CCDC122: variants seen among roughly 807,000 people sequenced by gnomAD.
CCDC122 encodes coiled-coil domain containing 122, also known as coiled-coil domain-containing protein 122.
A neutral mutation model predicts 37.0 loss-of-function variants in CCDC122; 38 were observed. The observed-to-expected ratio is 1.03, with a 90% CI of 0.79 to 1.35. The LOEUF is 1.35. CCDC122 is among the 40% of genes most tolerant of loss of function. The pLI, the probability that CCDC122 is intolerant of heterozygous loss-of-function variation, is 0.00. For synonymous variants in CCDC122, 83 were observed against 95.6 expected (o/e 0.87, Z 0.77); for missense variants, 305 against 310.0 (o/e 0.98, Z 0.12).
downstream of CCDC122, among the ~76,000 whole-genome samples, chr13:43,819,988 G>A (rs1323155550): frequency 6.6e-6 from 1 of 151,726 alleles, no homozygotes; most frequent in Non-Finnish European, 1.5e-5. Context: ...CAATAAAATT[G>A]TTATTATTAT....
chr13:43,874,464 T>G (rs1954545537), intron 2 of CCDC122, among the ~76,000 whole-genome samples: 1 of 152,106 alleles, frequency 6.6e-6, no homozygotes, highest in African/African-American at 2.4e-5. Context: ...CCTTAAAGTA[T>G]TTGATAAAGT....
intron 6 of CCDC122, among the ~76,000 whole-genome samples, chr13:43,847,189 A>G (rs1168712606): frequency 6.6e-6 from 1 of 152,224 alleles, no homozygotes; most frequent in Non-Finnish European, 1.5e-5. Context: ...TGAAAAATCT[A>G]TGAGACAGAT....
intron 6 of CCDC122, among the ~76,000 whole-genome samples, chr13:43,848,092 G>C (rs1421094952): frequency 6.6e-6 from 1 of 152,096 alleles, no homozygotes; most frequent in East Asian, 1.9e-4. Context: ...TTTTCTCATA[G>C]GACTGGCTTT....
intron 3 of CCDC122, among the ~76,000 whole-genome samples, chr13:43,830,267 A>G (rs1594810539): frequency 6.6e-6 from 1 of 152,304 alleles, no homozygotes; most frequent in Non-Finnish European, 1.5e-5. Context: ...CTGCTGCTGG[A>G]AGTGGAACCG....
downstream of CCDC122, among the ~76,000 whole-genome samples, chr13:43,833,220 T>A (rs1266264363): frequency 6.6e-6 from 1 of 152,200 alleles, no homozygotes; most frequent in African/African-American, 2.4e-5. Context: ...TATTTTGAGA[T>A]ATTAACTGTG....
At chr13:43,839,341 C>G (rs943655255) in intron 6 of CCDC122, among the ~76,000 whole-genome samples, 1 of 152,154 alleles carries the variant, frequency 6.6e-6, no homozygotes, top group Non-Finnish European at 1.5e-5. Context: ...TGGAATTGTA[C>G]AATAGGTGGT....
At chr13:43,865,265 C>A (rs1954240887) in intron 4 of CCDC122, among the ~76,000 whole-genome samples, 1 of 152,054 alleles carries the variant, frequency 6.6e-6, no homozygotes, top group South Asian at 2.1e-4. Flanking sequence ...GCCAGTTGAT[C>A]AGAAGTATGG....
At chr13:43,872,663 T>C (rs949359555) in intron 2 of CCDC122, among the ~76,000 whole-genome samples, 1 of 152,184 alleles carries the variant, frequency 6.6e-6, no homozygotes, top group African/African-American at 2.4e-5. Context: ...ATAGTGTTCT[T>C]GCTCCTATCT....
At chr13:43,831,611 A>G (rs1953090754), downstream of CCDC122, among the ~76,000 whole-genome samples, 1 of 152,252 alleles carries the variant, frequency 6.6e-6, no homozygotes, top group African/African-American at 2.4e-5. Context: ...GACTGGCAGT[A>G]TATTGTCAAT....
intron 3 of CCDC122, among the ~76,000 whole-genome samples, chr13:43,828,302 G>T (rs1953058405): frequency 1.3e-5 from 2 of 152,080 alleles, no homozygotes; most frequent in African/African-American, 4.8e-5. Flanking sequence ...TATGTGTCAG[G>T]TGTCTGCTAG....
chr13:43,821,101 C>T (rs1952989766), downstream of CCDC122, among the ~76,000 whole-genome samples: 1 of 152,152 alleles, frequency 6.6e-6, no homozygotes, highest in African/African-American at 2.4e-5. Flanking sequence ...TTATCCTTGA[C>T]CTTTGGGAGT....
intron 2 of CCDC122, among the ~76,000 whole-genome samples, chr13:43,870,153 G>A (rs904999287): frequency 6.6e-6 from 1 of 152,198 alleles, no homozygotes; most frequent in East Asian, 1.9e-4. Context: ...TTCCTGTGTA[G>A]AGATCAAATC....
At chr13:43,865,213 G>A (rs1954239565) in intron 4 of CCDC122, among the ~76,000 whole-genome samples, 1 of 152,142 alleles carries the variant, frequency 6.6e-6, no homozygotes, top group Admixed American at 6.5e-5. Flanking sequence ...GAGGGGTGCG[G>A]GGAAAGTATG....
intron 2 of CCDC122, among the ~76,000 whole-genome samples, chr13:43,874,466 T>C (rs530744213): frequency 6.6e-6 from 1 of 152,238 alleles, no homozygotes; most frequent in Admixed American, 6.5e-5. Flanking sequence ...TTAAAGTATT[T>C]GATAAAGTAA....
At chr13:43,859,042 G>T in intron 5 of CCDC122, 145 bp from the exon 6 acceptor site, 1 of 552,262 alleles carries the variant, frequency 1.8e-6, no homozygotes, top group Non-Finnish European at 2.8e-6. Context: ...ACTTCTATAC[G>T]TATACAAAAA....
chr13:43,825,746 G>A lies in CCDC122; in HGVS notation n.602-1735C>T, dbSNP rs181480252. Among the ~76,000 whole-genome samples, 3 of 143,232 alleles carry A rather than the reference G, an allele frequency of 2.1e-5. No homozygotes were observed. The East Asian group carries it at 6.5e-4, about 31-fold the overall frequency. 94.0% of individuals were successfully genotyped at this position (143,232 alleles called of 152,430 possible). On this transcript the variant is annotated intron_variant and non_coding_transcript_variant, in intron 3 of 3. Coordinates refer to the CCDC122 transcript ENST00000470137. ...GATCACACCATTGCACTACAGCCTGGGCGACGGAGTGAGACTCCGTCTCAA... is the reference window on the plus strand; with the variant it reads ...GATCACACCATTGCACTACAGCCTGAGCGACGGAGTGAGACTCCGTCTCAA...
intron 6 of CCDC122, chr13:43,858,355 C>T (rs1323340698): frequency 6.6e-6 from 1 of 152,168 alleles, no homozygotes; most frequent in Non-Finnish European, 1.5e-5. Flanking sequence ...TAACTTGACT[C>T]TTGATAATTG....
At chr13:43,860,860 T>C (rs556823914) in intron 4 of CCDC122, among the ~76,000 whole-genome samples, 1 of 152,344 alleles carries the variant, frequency 6.6e-6, no homozygotes, top group South Asian at 2.1e-4. Flanking sequence ...TGGCCACCTC[T>C]AATTCACTAT....
At chr13:43,832,252 CTTAG>C (rs1283498335), downstream of CCDC122, among the ~76,000 whole-genome samples, 21 of 150,806 alleles carry the variant, frequency 1.4e-4, no homozygotes, top group South Asian at 6.3e-4. Flanking sequence ...TAATCATTAG[CTTAG>C]TTAATGAAAA....
Sources: allele counts gnomAD v4.1 joint callset (sites outside exome capture counted in the v4.1 genomes callset), GRCh38; gene constraint gnomAD v4.1.1; transcripts MANE v1.5; gene names NCBI Gene and HGNC (gene_info 2026-07-23, HGNC 2026-07-21).